Variants in SLC15A4 observed in about 807,000 individuals in gnomAD.
The protein encoded by SLC15A4 is hPHT1.
In SLC15A4, 26 loss-of-function variants were observed where a neutral mutation model predicts 46.1. That is an observed-to-expected ratio of 0.56 (90% CI 0.41 to 0.78). SLC15A4 has a LOEUF of 0.78. Among genes scored for constraint, SLC15A4 ranks in the 30% least tolerant of loss-of-function variants. The pLI is 0.00. For synonymous variants in SLC15A4, 370 were observed against 333.4 expected, an observed-to-expected ratio of 1.11 and a Z score of -1.20; for missense variants, 751 against 755.7, an observed-to-expected ratio of 0.99 and a Z score of 0.07.
chr12:128,800,751 C>T (rs1031673443), intron 6 of SLC15A4, 103 bp downstream of exon 6: 10 of 1,218,672 alleles, frequency 8.2e-6, no homozygotes, highest in Non-Finnish European at 8.9e-6. Flanking sequence ...TACAGAAGTG[C>T]TGTGCTATCC....
intron 4 of SLC15A4, 25 bp from the exon 5 acceptor site, chr12:128,808,981 G>A (rs538363269): frequency 4.2e-5 from 67 of 1,602,600 alleles, no homozygotes; most frequent in East Asian, 3.8e-4. Flanking sequence ...AGGAGGAGGC[G>A]TTTACTCCCC....
Position 128,823,855 on chromosome 12 carries a change from A to G in SLC15A4, c.89T>C (p.Phe30Ser). 2 of 1,242,810 alleles carry G rather than the reference A, an allele frequency of 1.6e-6. No individual in the cohort carries two copies. The highest frequency in any genetic ancestry group is 2.0e-6 in the Non-Finnish European group (2 of 976,788). 77.0% of individuals were successfully genotyped at this position (1,242,810 alleles called of 1,614,324 possible). ...AAAAAAAAGAFAGRRAACGAV... is the reference protein window; with the variant it reads ...AAAAAAAAGASAGRRAACGAV... ...CCCGCACGCCGCGCGCCGGCCCGCG[A>G]ACGCCCCAGCCGCCGCCGCGGCCGC... is the stretch of plus-strand genomic sequence containing the variant. Residue 30 changes from phenylalanine (F) to serine (S), a missense_variant, in exon 1 of 8, where the codon TTC becomes TCC. Transcript: ENST00000266771.
intron 7 of SLC15A4, 39 bp downstream of exon 7, chr12:128,799,220 A>G: frequency 4.3e-6 from 7 of 1,609,296 alleles, no homozygotes; most frequent in South Asian, 1.1e-5. Context: ...CCTCCCCCTC[A>G]CTGGCTATTT....
At chr12:128,796,446 A>C (rs1218176446) in intron 7 of SLC15A4, among the ~76,000 whole-genome samples, 6 of 146,522 alleles carry the variant, frequency 4.1e-5, no homozygotes, top group African/African-American at 9.9e-5. Flanking sequence ...AAAAAAAAAA[A>C]AAAAAAAAAA....
At chr12:128,820,350 A>C (rs746718278) in intron 1 of SLC15A4, among the ~76,000 whole-genome samples, 3 of 152,218 alleles carry the variant, frequency 2.0e-5, no homozygotes, top group Non-Finnish European at 2.9e-5. Context: ...CTGTTTCCTC[A>C]TCAGTAAAGT....
At chr12:128,799,187 C>A in intron 7 of SLC15A4, 72 bp downstream of exon 7, 1 of 1,567,096 alleles carries the variant, frequency 6.4e-7, no homozygotes, top group South Asian at 1.1e-5. Flanking sequence ...TCCGCTCACT[C>A]AGCCATCTCC....
Position 128,810,451 on chromosome 12 carries a change from G to A in SLC15A4, c.843-340C>T, listed in dbSNP as rs1485913529. The A allele has an allele frequency of 2.4e-5, 7 of 296,262 alleles. No individual in the cohort carries two copies. The East Asian group carries it at 5.3e-4, about 22-fold the overall frequency. The allele number at this position is 296,262 out of a possible 1,614,324, so 18.4% of individuals were successfully genotyped here. On this transcript the variant is annotated intron_variant, in intron 2 of 7. Transcript: ENST00000266771. ...GCTCGGCAATCTCCGTGTGGGGAGA[G>A]TCTGCAGCTCTACGTGACACTGGGA...
Position 128,823,654 on chromosome 12 carries a change from TCGGCCAGCCAGCCTCCGAA to T in SLC15A4, c.271_289del (p.Phe91ThrfsTer12). On this transcript the variant is annotated frameshift_variant, in exon 1 of 8. Coordinates refer to ENST00000266771, the MANE Select transcript of SLC15A4 (RefSeq NM_145648.4). LOFTEE classifies it high-confidence loss of function. ...GGCGCGCGCCCGGCCCAGCCGCGCG[TCGGCCAGCCAGCCTCCGAA>T]CGGCGAGCCCAGGTAGGTGAGGCCC... The T allele has an allele frequency of 6.7e-7, 1 of 1,490,142 alleles. No individual in the cohort carries two copies. Among genetic ancestry groups the T allele is most frequent in the Non-Finnish European group, 8.9e-7 (1 of 1,125,278 alleles). The allele number at this position is 1,490,142 out of a possible 1,614,324, so 92.3% of individuals were successfully genotyped here.
intron 5 of SLC15A4, among the ~76,000 whole-genome samples, chr12:128,803,789 T>TGACAACAAATAATTCTTGAGGCC (rs1955546581): frequency 6.6e-6 from 1 of 152,188 alleles, no homozygotes; most frequent in Admixed American, 6.5e-5. Context: ...ACCGACTTCA[T>TGACAACAAATAATTCTTGAGGCC]GACAACAAAT....
intron 7 of SLC15A4, among the ~76,000 whole-genome samples, chr12:128,795,726 G>T (rs1247462491): frequency 6.6e-6 from 1 of 152,176 alleles, no homozygotes; most frequent in East Asian, 1.9e-4. Flanking sequence ...GGAACGACGT[G>T]TGAGCAGAAA....
chr12:128,798,675 G>A (rs1471778), intron 7 of SLC15A4, among the ~76,000 whole-genome samples: 3,430 of 152,272 alleles, frequency 0.023, 268 homozygotes, highest in East Asian at 0.18. Flanking sequence ...TAAAGGCATC[G>A]TAAACCTGGA....
At chr12:128,796,835 C>T (rs1955449970) in intron 7 of SLC15A4, among the ~76,000 whole-genome samples, 1 of 152,218 alleles carries the variant, frequency 6.6e-6, no homozygotes, top group Non-Finnish European at 1.5e-5. Flanking sequence ...TCACTGAAAA[C>T]TTCCCGAGCT....
At chr12:128,819,526 A>C (rs749849899) in intron 1 of SLC15A4, 13 of 152,200 alleles carry the variant, frequency 8.5e-5, no homozygotes, top group Admixed American at 1.3e-4. Context: ...AAATTACCAC[A>C]CCTAAGAAAG....
rs768414928 is a variant in SLC15A4 at position 128,800,946 on chromosome 12, T to C, written c.1322A>G (p.Asn441Ser). The C allele has an allele frequency of 6.2e-7, 1 of 1,614,168 alleles. No homozygotes were observed. Among genetic ancestry groups the C allele is most frequent in the Non-Finnish European group, 8.5e-7 (1 of 1,180,006 alleles). The change falls in exon 6 of 8, where the codon AAC becomes AGC. Residue 441 changes from asparagine to serine, a missense_variant. Asn to Ser is a conservative substitution (Grantham distance 46, BLOSUM62 1). Coordinates refer to ENST00000266771, the MANE Select transcript of SLC15A4 (RefSeq NM_145648.4). ...KEKTINQTIG[N>S]VVYHAADLSL... ...CAGATCGGCAGCATGGTAGACGACGTTGCCGATGGTCTGATTAATGGTTTT... is the reference window on the plus strand; with the variant it reads ...CAGATCGGCAGCATGGTAGACGACGCTGCCGATGGTCTGATTAATGGTTTT...
chr12:128,819,684 G>C, intron 1 of SLC15A4: 1 of 152,178 alleles, frequency 6.6e-6, no homozygotes, highest in Non-Finnish European at 1.5e-5. Context: ...TCATCCACAA[G>C]GTCCTCTTTT....
intron 1 of SLC15A4, among the ~76,000 whole-genome samples, chr12:128,822,568 G>C (rs1307220909): frequency 1.3e-5 from 2 of 151,844 alleles, no homozygotes; most frequent in Non-Finnish European, 2.9e-5. Flanking sequence ...TTTTTATTTG[G>C]AGACAGAGTC....
chr12:128,820,156 G>A (rs1169500508), intron 1 of SLC15A4, among the ~76,000 whole-genome samples: 2 of 152,188 alleles, frequency 1.3e-5, no homozygotes, highest in Non-Finnish European at 2.9e-5. Flanking sequence ...GTTCCTTCAT[G>A]AGCCAATGGC....
chr12:128,795,941 G>A (rs1027592617), intron 7 of SLC15A4, among the ~76,000 whole-genome samples: 9 of 152,198 alleles, frequency 5.9e-5, no homozygotes, highest in Admixed American at 2.6e-4. Flanking sequence ...CGAGGGGAGC[G>A]AGTGCTCTGG....
intron 7 of SLC15A4, among the ~76,000 whole-genome samples, chr12:128,798,748 T>C (rs915455460): frequency 1.6e-4 from 25 of 152,230 alleles, no homozygotes; most frequent in African/African-American, 2.9e-4. Context: ...CCTACTGGTA[T>C]TAATTGTAAA....
Sources: allele counts gnomAD v4.1 joint callset (sites outside exome capture counted in the v4.1 genomes callset), GRCh38; gene constraint gnomAD v4.1.1; transcripts MANE v1.5; gene names NCBI Gene and HGNC (gene_info 2026-07-23, HGNC 2026-07-21).